WBP4: variants seen among roughly 807,000 people sequenced by gnomAD.
The protein encoded by WBP4 is WW domain binding protein 4, also known as WW domain-binding protein 4.
A neutral mutation model predicts 55.4 loss-of-function variants in WBP4; 37 were observed. That is an observed-to-expected ratio of 0.67 (90% CI 0.51 to 0.88). The LOEUF is 0.88. Ranked by LOEUF, WBP4 falls within the 40% of genes least tolerant of loss-of-function variation. The pLI is 0.00. For missense variants in WBP4, 398 were observed against 420.8 expected, an observed-to-expected ratio of 0.95 and a Z score of 0.47; for synonymous variants, 142 against 140.2, an observed-to-expected ratio of 1.01 and a Z score of -0.09.
At position 41,083,001 on chromosome 13, in the gene WBP4, T is replaced by C. The variant is rs942374856; in HGVS notation, c.*87T>C. 3.3e-6 allele frequency: 4 copies of C among 1,204,272 alleles called. No individual in the cohort carries two copies. Among genetic ancestry groups the C allele is most frequent in the Middle Eastern group, 2.0e-4 (1 of 5,020 alleles). The allele number at this position is 1,204,272 out of a possible 1,614,324, so 74.6% of individuals were successfully genotyped here. A position where few individuals can be genotyped will look rare whatever the true frequency, so the allele number is the denominator to read the frequency against. The stretch of plus-strand genomic sequence containing the variant: ...TATCTGTGTTTGTTTGTAAGTATTA[T>C]GATGCTAAAAATTTAGATTTATTCT... On this transcript the variant is annotated 3_prime_UTR_variant, in exon 10 of 10. Transcript: ENST00000379487.
chr13:41,074,477 T>A (rs1229944019), intron 7 of WBP4, among the ~76,000 whole-genome samples: 1 of 152,216 alleles, frequency 6.6e-6, no homozygotes, highest in African/African-American at 2.4e-5. Context: ...GGTTGGGATT[T>A]TTATACATAT....
intron 5 of WBP4, among the ~76,000 whole-genome samples, chr13:41,069,679 C>T (rs1477334458): frequency 1.4e-5 from 2 of 143,562 alleles, no homozygotes; most frequent in African/African-American, 2.6e-5. Context: ...GTACTCCAGC[C>T]TGGGCGACAG....
At position 41,078,632 on chromosome 13, in the gene WBP4, A is replaced by G. The variant is rs1003602721; in HGVS notation, c.757-2014A>G. ...CACCTGAGGTCGAGAGTTAAAGACC[A>G]GCCTGACCAACATAGAGAAACCCCA... On this transcript the variant is annotated intron_variant, in intron 8 of 9. Coordinates refer to ENST00000379487, the MANE Select transcript of WBP4 (RefSeq NM_007187.5). Among the ~76,000 whole-genome samples, 12 of 152,224 alleles carry G rather than the reference A, an allele frequency of 7.9e-5. 1 individual carries two copies. The highest frequency in any genetic ancestry group is 4.1e-4 in the South Asian group (2 of 4,830).
intron 1 of WBP4, chr13:41,062,089 C>A: frequency 1.4e-6 from 1 of 695,902 alleles, no homozygotes; most frequent in African/African-American, 2.2e-5. Context: ...CCCTGGATAG[C>A]GTAATGGTTT....
chr13:41,061,809 C>T lies in WBP4; in HGVS notation c.2+134C>T, dbSNP rs888799404. On this transcript the variant is annotated intron_variant, in intron 1 of 9. Transcript: ENST00000379487. ...AGACGCGTTCTTAACTCGCTCGGGACCGGCCCCAGACCTGCAGGGCCGGTT... is the reference window on the plus strand; with the variant it reads ...AGACGCGTTCTTAACTCGCTCGGGATCGGCCCCAGACCTGCAGGGCCGGTT... The T allele has an allele frequency of 2.8e-6, 4 of 1,447,738 alleles. No homozygotes were observed. In the African/African-American group the frequency reaches 4.2e-5, roughly 15 times the overall value. The allele number at this position is 1,447,738 out of a possible 1,614,324, so 89.7% of individuals were successfully genotyped here. A position where few individuals can be genotyped will look rare whatever the true frequency, so the allele number is the denominator to read the frequency against.
At position 41,072,775 on chromosome 13, in the gene WBP4, C is replaced by T. The variant is rs369324984; in HGVS notation, c.487-7C>T. ...TAGTTTATGCTGGGTTTTTTTCCTC[C>T]TATTAGACAGCAGTGAAGACCGTTT... is the stretch of plus-strand genomic sequence containing the variant. On this transcript the variant is annotated splice_region_variant and splice_polypyrimidine_tract_variant and intron_variant, in intron 6 of 9. Transcript: ENST00000379487. 1 of 1,611,770 alleles carries T rather than the reference C, an allele frequency of 6.2e-7. No homozygotes were observed. The highest frequency in any genetic ancestry group is 1.7e-5 in the Admixed American group (1 of 59,518).
chr13:41,079,921 T>A (rs1467847200), intron 8 of WBP4, among the ~76,000 whole-genome samples: 1 of 152,180 alleles, frequency 6.6e-6, no homozygotes, highest in Non-Finnish European at 1.5e-5. Flanking sequence ...CTTTTGCAGC[T>A]ATGTGAATGG....
At chr13:41,073,640 C>A (rs987065374) in intron 7 of WBP4, among the ~76,000 whole-genome samples, 3 of 151,882 alleles carry the variant, frequency 2.0e-5, no homozygotes, top group Non-Finnish European at 4.4e-5. Context: ...CATGGTGAAA[C>A]CCCTTCTCTA....
At chr13:41,077,438 G>C (rs2138480133) in intron 8 of WBP4, among the ~76,000 whole-genome samples, 1 of 152,182 alleles carries the variant, frequency 6.6e-6, no homozygotes, top group Non-Finnish European at 1.5e-5. Context: ...TTTGCAGTGA[G>C]CTGAGATAGT....
At chr13:41,071,172 C>G (rs1184316590) in intron 5 of WBP4, among the ~76,000 whole-genome samples, 3 of 152,098 alleles carry the variant, frequency 2.0e-5, no homozygotes, top group East Asian at 3.8e-4. Flanking sequence ...CTTCTGAGTT[C>G]TTATTCAGTT....
rs1030245118 is a variant in WBP4 at position 41,061,542 on chromosome 13, A to C, written c.-132A>C. On this transcript the variant is annotated 5_prime_UTR_variant, in exon 1 of 10. Coordinates refer to ENST00000379487, the MANE Select transcript of WBP4 (RefSeq NM_007187.5). ...GAACAGCGGAACGCTGGTCCCGGGGACTGAGTAAGGTGTCTGGATCGGAGG... is the reference window on the plus strand; with the variant it reads ...GAACAGCGGAACGCTGGTCCCGGGGCCTGAGTAAGGTGTCTGGATCGGAGG... 1.4e-6 allele frequency: 2 copies of C among 1,409,162 alleles called. No homozygotes were observed. The highest frequency in any genetic ancestry group is 2.4e-5 in the South Asian group (2 of 84,466). 87.3% of individuals were successfully genotyped at this position (1,409,162 alleles called of 1,614,324 possible).
intron 7 of WBP4, among the ~76,000 whole-genome samples, chr13:41,073,462 G>C (rs1878338710): frequency 3.3e-5 from 5 of 151,130 alleles, no homozygotes. Flanking sequence ...GCAGTGACCC[G>C]AGATCGTGCC....
At chr13:41,065,418 A>G in intron 4 of WBP4, 131 bp downstream of exon 4, 1 of 1,276,356 alleles carries the variant, frequency 7.8e-7, no homozygotes, top group Non-Finnish European at 1.0e-6. Context: ...TTTATTATGC[A>G]TCATAGCCCT....
chr13:41,071,281 A>G (rs1878233635), intron 5 of WBP4, among the ~76,000 whole-genome samples: 1 of 152,238 alleles, frequency 6.6e-6, no homozygotes, highest in Admixed American at 6.5e-5. Flanking sequence ...GCCTGGCTCT[A>G]AAATTCCTGT....
chr13:41,082,696 A>C lies in WBP4; in HGVS notation c.921-8A>C, dbSNP rs369420363. The stretch of plus-strand genomic sequence containing the variant: ...TCAAATAGAGTTTTACTTTAACTCT[A>C]TTTCCAGTGAGGAGGTAGATTTGGA... On this transcript the variant is annotated splice_polypyrimidine_tract_variant and splice_region_variant and intron_variant, in intron 9 of 9. Transcript: ENST00000379487. 49 of 1,613,410 alleles carry C rather than the reference A, an allele frequency of 3.0e-5. No individual in the cohort carries two copies. The Admixed American group carries it at 7.2e-4, about 24-fold the overall frequency.
chr13:41,061,537 C>T lies in WBP4; in HGVS notation c.-137C>T, dbSNP rs77485880. 2.5e-3 allele frequency: 3,525 copies of T among 1,390,764 alleles called. 73 individuals are homozygous for T. In the African/African-American group the frequency reaches 0.04, roughly 16 times the overall value. 86.2% of individuals were successfully genotyped at this position (1,390,764 alleles called of 1,614,324 possible). On this transcript the variant is annotated 5_prime_UTR_variant, in exon 1 of 10. Coordinates refer to ENST00000379487, the MANE Select transcript of WBP4 (RefSeq NM_007187.5). ...GTTGGGAACAGCGGAACGCTGGTCCCGGGGACTGAGTAAGGTGTCTGGATC... is the reference window on the plus strand; with the variant it reads ...GTTGGGAACAGCGGAACGCTGGTCCTGGGGACTGAGTAAGGTGTCTGGATC...
chr13:41,073,371 C>T (rs1322086922), intron 7 of WBP4, among the ~76,000 whole-genome samples: 2 of 151,826 alleles, frequency 1.3e-5, no homozygotes, highest in African/African-American at 4.8e-5. Context: ...ACAAATTAGC[C>T]GGGTGTGGTG....
At chr13:41,075,085 T>C (rs1472862774) in intron 7 of WBP4, among the ~76,000 whole-genome samples, 1 of 152,216 alleles carries the variant, frequency 6.6e-6, no homozygotes, top group Non-Finnish European at 1.5e-5. Flanking sequence ...TAAGGTGCTG[T>C]ATATATTGGT....
intron 7 of WBP4, among the ~76,000 whole-genome samples, chr13:41,074,928 G>T (rs1459368705): frequency 6.6e-6 from 1 of 152,184 alleles, no homozygotes; most frequent in Admixed American, 6.5e-5. Flanking sequence ...CGGGGAGGTG[G>T]AGGTTACAGT....
Sources: gnomAD v4.1 joint callset for allele counts (sites outside exome capture counted in the v4.1 genomes callset) on GRCh38, gnomAD v4.1.1 for gene constraint, MANE v1.5 for transcripts, NCBI Gene and HGNC (gene_info 2026-07-23, HGNC 2026-07-21) for gene names.